The following CNNM1 variants were observed in gnomAD, a reference collection of about 807,000 sequenced individuals.
CNNM1 encodes the protein metal transporter CNNM1.
CNNM1 carries 44 observed loss-of-function variants against 78.8 expected under a neutral mutation model. The observed-to-expected ratio is 0.56, with a 90% CI of 0.44 to 0.72. The LOEUF is 0.72. Ranked by LOEUF, CNNM1 falls within the 30% of genes least tolerant of loss-of-function variation. CNNM1 has a pLI of 0.00. For synonymous variants in CNNM1, 584 were observed against 581.5 expected (o/e 1.00, Z -0.06); for missense variants, 1,101 against 1,292.2 (o/e 0.85, Z 2.27).
intron 6 of CNNM1, among the ~76,000 whole-genome samples, chr10:99,373,580 A>G (rs1469211350): frequency 6.6e-6 from 1 of 152,140 alleles, no homozygotes; most frequent in East Asian, 1.9e-4. Flanking sequence ...TTCTTTTTTT[A>G]ATAGATTTAG....
At chr10:99,333,878 C>G (rs891759053) in intron 1 of CNNM1, among the ~76,000 whole-genome samples, 1 of 152,008 alleles carries the variant, frequency 6.6e-6, no homozygotes, top group Non-Finnish European at 1.5e-5. Flanking sequence ...TAAACCTGGT[C>G]GAAAAAAGCT....
intron 5 of CNNM1, 134 bp from the exon 6 acceptor site, chr10:99,364,821 C>T (rs2031558470): frequency 7.4e-6 from 6 of 806,314 alleles, no homozygotes; most frequent in Non-Finnish European, 1.2e-5. Context: ...TATACTTGTT[C>T]CCTACCCTTC....
In CNNM1 at chr10:99,390,401, A is replaced by G. The variant is rs1564963741; in HGVS notation, c.2770A>G (p.Thr924Ala). 1.2e-6 allele frequency: 2 copies of G among 1,609,918 alleles called. No individual in the cohort carries two copies. Among genetic ancestry groups the G allele is most frequent in the East Asian group, 2.2e-5 (1 of 44,852 alleles). The change falls in exon 10 of 11, where the codon ACC becomes GCC. Residue 924 changes from threonine (T) to alanine (A), a missense_variant. Coordinates refer to ENST00000356713, the MANE Select transcript of CNNM1 (RefSeq NM_020348.3). Reference sequence around the variant, plus strand: ...AAACGTGGGCAAGAAGCTGCTGAGAACCTTGAGTGAGTAGCTAGTTCTTCA... The same window carrying G: ...AAACGTGGGCAAGAAGCTGCTGAGAGCCTTGAGTGAGTAGCTAGTTCTTCA... ...EENVGKKLLRTLSGQKRKRSP... is the reference protein window; with the variant it reads ...EENVGKKLLRALSGQKRKRSP...
At chr10:99,347,710 C>T (rs943393259) in intron 1 of CNNM1, among the ~76,000 whole-genome samples, 2 of 151,928 alleles carry the variant, frequency 1.3e-5, no homozygotes, top group African/African-American at 4.8e-5. Flanking sequence ...ACTCCCTGAC[C>T]TTGGCTCCCA....
intron 1 of CNNM1, among the ~76,000 whole-genome samples, chr10:99,344,557 T>G (rs1429733782): frequency 6.6e-6 from 1 of 151,682 alleles, no homozygotes; most frequent in Non-Finnish European, 1.5e-5. Context: ...GAAAACAAAA[T>G]TGAAAGCTGT....
At chr10:99,373,965 G>A (rs1589914762) in intron 6 of CNNM1, among the ~76,000 whole-genome samples, 3 of 152,064 alleles carry the variant, frequency 2.0e-5, no homozygotes, top group Admixed American at 6.5e-5. Context: ...TCTTTATCCA[G>A]TCATCCATTG....
chr10:99,364,193 A>G (rs974189433), intron 4 of CNNM1, among the ~76,000 whole-genome samples: 1 of 152,184 alleles, frequency 6.6e-6, no homozygotes, highest in Non-Finnish European at 1.5e-5. Flanking sequence ...TCATGACTGG[A>G]TGCTATTTTA....
intron 6 of CNNM1, among the ~76,000 whole-genome samples, chr10:99,373,621 A>G (rs973299522): frequency 6.6e-6 from 1 of 152,148 alleles, no homozygotes; most frequent in African/African-American, 2.4e-5. Flanking sequence ...TTACATAGAT[A>G]TATTACATAG....
At chr10:99,350,661 G>A (rs567055865) in intron 1 of CNNM1, among the ~76,000 whole-genome samples, 5 of 152,154 alleles carry the variant, frequency 3.3e-5, no homozygotes, top group South Asian at 2.1e-4. Flanking sequence ...CAGGTTCCGG[G>A]GTATATGTGC....
intron 7 of CNNM1, among the ~76,000 whole-genome samples, chr10:99,380,017 CTCTCT>C (rs1414456942): frequency 1.6e-5 from 2 of 126,976 alleles, no homozygotes; most frequent in Non-Finnish European, 3.2e-5. Context: ...GAAGTAAACT[CTCTCT>C]TTTTTTTTTT....
chr10:99,356,572 G>GAAAGAAAAGAA (rs1554940050), intron 1 of CNNM1, among the ~76,000 whole-genome samples: 1 of 115,202 alleles, frequency 8.7e-6, no homozygotes, highest in Non-Finnish European at 1.8e-5. Flanking sequence ...CAGAAAGAAA[G>GAAAGAAAAGAA]AAAGAAAGAA....
chr10:99,369,617 CT>C (rs531758235), intron 6 of CNNM1, among the ~76,000 whole-genome samples: 1 of 152,136 alleles, frequency 6.6e-6, no homozygotes, highest in Non-Finnish European at 1.5e-5. Context: ...CCCAAAATCA[CT>C]TTTTTTCATC....
chr10:99,374,110 G>C (rs2031891846), intron 6 of CNNM1, among the ~76,000 whole-genome samples: 1 of 152,160 alleles, frequency 6.6e-6, no homozygotes, highest in Admixed American at 6.5e-5. Flanking sequence ...TGGCTTGAAT[G>C]GTAGTTATAT....
At chr10:99,353,233 C>T (rs898056592) in intron 1 of CNNM1, among the ~76,000 whole-genome samples, 2 of 151,454 alleles carry the variant, frequency 1.3e-5, no homozygotes, top group African/African-American at 2.4e-5. Context: ...ATGCCAGGTG[C>T]TATTCTAGAT....
chr10:99,376,309 C>T (rs1021673961), intron 6 of CNNM1, among the ~76,000 whole-genome samples: 1 of 151,762 alleles, frequency 6.6e-6, no homozygotes, highest in Non-Finnish European at 1.5e-5. Context: ...TGGCTATCCA[C>T]CCACAGCTCT....
intron 1 of CNNM1, among the ~76,000 whole-genome samples, chr10:99,339,304 G>A (rs1323141668): frequency 6.6e-6 from 1 of 152,182 alleles, no homozygotes; most frequent in African/African-American, 2.4e-5. Flanking sequence ...TAGACTCTGG[G>A]AATACAGTGG....
At chr10:99,337,953 G>A (rs1248698878) in intron 1 of CNNM1, among the ~76,000 whole-genome samples, 1 of 152,192 alleles carries the variant, frequency 6.6e-6, no homozygotes, top group Admixed American at 6.5e-5. Flanking sequence ...TTGTTTCTCA[G>A]CTTCTTTAGG....
At position 99,376,993 on chromosome 10, in the gene CNNM1, C is replaced by G. The variant is rs2031982970; in HGVS notation, c.2177-62C>G. ...TCTCCCTCCTTCCCTGTCTCCCTCC[C>G]TCCCCCTTCTTCCTCCCCACCCATC... On this transcript the variant is annotated intron_variant, in intron 6 of 10. Transcript: ENST00000356713. The G allele has an allele frequency of 5.7e-6, 7 of 1,230,214 alleles. 1 individual carries two copies. The Admixed American group carries it at 1.0e-4, about 18-fold the overall frequency. 76.2% of individuals were successfully genotyped at this position (1,230,214 alleles called of 1,614,324 possible).
intron 4 of CNNM1, among the ~76,000 whole-genome samples, chr10:99,362,868 A>C (rs1193420693): frequency 6.6e-6 from 1 of 152,186 alleles, no homozygotes; most frequent in Non-Finnish European, 1.5e-5. Flanking sequence ...TACATGGGAC[A>C]CATTCATTCT....
Sources: gnomAD v4.1 joint callset for allele counts (sites outside exome capture counted in the v4.1 genomes callset) on GRCh38, gnomAD v4.1.1 for gene constraint, MANE v1.5 for transcripts, NCBI Gene and HGNC (gene_info 2026-07-23, HGNC 2026-07-21) for gene names.